The following SORCS1 variants were observed in gnomAD, a reference collection of about 807,000 sequenced individuals.
SORCS1 encodes the protein VPS10 domain-containing receptor SorCS1.
SORCS1 carries 60 observed loss-of-function variants against 146.1 expected under a neutral mutation model. That is an observed-to-expected ratio of 0.41 (90% CI 0.33 to 0.51). The LOEUF is 0.51. SORCS1 is among the 20% of genes least tolerant of loss of function. The pLI is 0.21. For missense variants in SORCS1, 1,352 were observed against 1,487.6 expected (o/e 0.91, Z 1.50); for synonymous variants, 637 against 584.0 (o/e 1.09, Z -1.31).
At chr10:106,761,104 A>G (rs1200912516) in intron 5 of SORCS1, among the ~76,000 whole-genome samples, 2 of 152,050 alleles carry the variant, frequency 1.3e-5, no homozygotes, top group Non-Finnish European at 2.9e-5. Flanking sequence ...GAGACTGTCT[A>G]AAATAAATAA....
intron 21 of SORCS1, among the ~76,000 whole-genome samples, chr10:106,615,033 C>G (rs574667910): frequency 2.8e-5 from 1 of 35,222 alleles, no homozygotes; most frequent in South Asian, 2.3e-3. Context: ...ATGCTTTTTT[C>G]AGTCCCATCA....
chr10:106,714,783 C>G (rs12264664), intron 6 of SORCS1, among the ~76,000 whole-genome samples: 5,697 of 152,110 alleles, frequency 0.037, 320 homozygotes, highest in African/African-American at 0.12. Flanking sequence ...AGTAGGGGAG[C>G]GGGGAGTCAA....
rs758294394 is a variant in SORCS1 at position 106,709,219 on chromosome 10, C to T, written c.1143+4G>A. 6.2e-7 allele frequency: 1 copy of T among 1,606,748 alleles called. No homozygotes were observed. Reference sequence around the variant, plus strand: ...GACAATCAACAGAAGTGGATTTTTCCTACCTGAACAAACACATAATGATCC... The same window carrying T: ...GACAATCAACAGAAGTGGATTTTTCTTACCTGAACAAACACATAATGATCC... On this transcript the variant is annotated splice_donor_region_variant and intron_variant, in intron 7 of 25. Transcript: ENST00000263054.
chr10:106,981,722 G>A (rs1956252942), intron 1 of SORCS1, among the ~76,000 whole-genome samples: 2 of 152,100 alleles, frequency 1.3e-5, no homozygotes, highest in African/African-American at 4.8e-5. Context: ...CCGTGCTCAG[G>A]AAAATAACCA....
intron 14 of SORCS1, 93 bp downstream of exon 14, chr10:106,674,956 A>G (rs1564845001): frequency 3.1e-6 from 3 of 973,184 alleles, no homozygotes; most frequent in Admixed American, 4.3e-5. Flanking sequence ...CCTTGAACCT[A>G]ACAGCTGCAA....
intron 4 of SORCS1, among the ~76,000 whole-genome samples, chr10:106,762,492 A>C (rs1859207663): frequency 7.3e-6 from 1 of 137,494 alleles, no homozygotes; most frequent in East Asian, 2.3e-4. Flanking sequence ...TCCCGGGTTC[A>C]CGCCATTCTA....
chr10:107,005,208 C>G (rs9988717), intron 1 of SORCS1, among the ~76,000 whole-genome samples: 25,472 of 151,766 alleles, frequency 0.17, 5,749 homozygotes, highest in African/African-American at 0.52. Context: ...ACCTATAATC[C>G]CAGCACTTTG....
intron 11 of SORCS1, 146 bp downstream of exon 11, chr10:106,679,486 G>C: frequency 1.1e-6 from 1 of 936,940 alleles, no homozygotes; most frequent in Admixed American, 2.5e-5. Context: ...CAATGGTTTA[G>C]GTGCCTTTCA....
chr10:106,853,250 G>A (rs191954268), intron 2 of SORCS1, among the ~76,000 whole-genome samples: 1 of 152,178 alleles, frequency 6.6e-6, no homozygotes, highest in Non-Finnish European at 1.5e-5. Context: ...TTAAATTTGT[G>A]GGTAGAAAAG....
intron 1 of SORCS1, among the ~76,000 whole-genome samples, chr10:107,097,216 T>C (rs934491016): frequency 6.6e-6 from 1 of 152,238 alleles, no homozygotes; most frequent in African/African-American, 2.4e-5. Context: ...CAGCCCAATT[T>C]GTGATTTATT....
intron 5 of SORCS1, among the ~76,000 whole-genome samples, chr10:106,741,695 A>T (rs72823226): frequency 0.013 from 2,047 of 152,294 alleles, 20 homozygotes; most frequent in Middle Eastern, 0.044. Context: ...CGTTAAGTGT[A>T]TTGGCATACA....
chr10:106,697,529 A>G (rs1853798576), intron 9 of SORCS1, among the ~76,000 whole-genome samples: 2 of 152,168 alleles, frequency 1.3e-5, no homozygotes. Flanking sequence ...TAATTTCAGT[A>G]TGGGAAGATG....
At chr10:107,021,604 T>C (rs1026544312) in intron 1 of SORCS1, among the ~76,000 whole-genome samples, 3 of 151,582 alleles carry the variant, frequency 2.0e-5, no homozygotes, top group Non-Finnish European at 4.4e-5. Flanking sequence ...AGAGATTTCA[T>C]GTTTCTTTGT....
At position 106,709,234 on chromosome 10, in the gene SORCS1, C is replaced by CATA; in HGVS notation, c.1129_1131dup (p.Tyr377dup). On this transcript the variant is annotated inframe_insertion, in exon 7 of 26. Coordinates refer to ENST00000263054, the MANE Select transcript of SORCS1 (RefSeq NM_052918.5). ...TGGATTTTTCCTACCTGAACAAACACATAATGATCCTGAACAATCAAAGAG... is the reference window on the plus strand; with the variant it reads ...TGGATTTTTCCTACCTGAACAAACACATAATAATGATCCTGAACAATCAAAGAG... 6.2e-7 allele frequency: 1 copy of CATA among 1,612,570 alleles called. No homozygotes were observed. The highest frequency in any genetic ancestry group is 8.5e-7 in the Non-Finnish European group (1 of 1,178,856).
chr10:106,679,864 C>G (rs1852306138), intron 10 of SORCS1, 130 bp from the exon 11 acceptor site: 2 of 669,856 alleles, frequency 3.0e-6, no homozygotes, highest in Admixed American at 4.5e-5. Context: ...CTCCAACCAC[C>G]CATTGTATCT....
intron 7 of SORCS1, among the ~76,000 whole-genome samples, chr10:106,707,373 T>A (rs1215308040): frequency 1.3e-5 from 2 of 151,862 alleles, no homozygotes; most frequent in Non-Finnish European, 2.9e-5. Flanking sequence ...ATTCTTTTAG[T>A]AGAGATGGTG....
intron 18 of SORCS1, among the ~76,000 whole-genome samples, chr10:106,639,228 C>T (rs1418676008): frequency 6.6e-6 from 1 of 152,124 alleles, no homozygotes; most frequent in Non-Finnish European, 1.5e-5. Flanking sequence ...GTGGTGAAAC[C>T]CTGATTCAGG....
At chr10:106,892,966 G>A (rs1048216822) in intron 2 of SORCS1, among the ~76,000 whole-genome samples, 2 of 148,112 alleles carry the variant, frequency 1.4e-5, no homozygotes, top group Non-Finnish European at 3.0e-5. Context: ...ATGATCTCAA[G>A]TCACTGCCAC....
chr10:106,641,047 G>T (rs1849040789), intron 18 of SORCS1, among the ~76,000 whole-genome samples: 3 of 152,202 alleles, frequency 2.0e-5, no homozygotes, highest in Non-Finnish European at 4.4e-5. Context: ...AAGTACGACT[G>T]CTCCTTTGCC....
Sources: gnomAD v4.1 joint callset for allele counts (sites outside exome capture counted in the v4.1 genomes callset) on GRCh38, gnomAD v4.1.1 for gene constraint, MANE v1.5 for transcripts, NCBI Gene and HGNC (gene_info 2026-07-23, HGNC 2026-07-21) for gene names.